The following WDR1 variants were observed in gnomAD, a reference collection of about 807,000 sequenced individuals.
WDR1 encodes WD repeat domain 1, also known as WD repeat-containing protein 1.
A neutral mutation model predicts 71.9 loss-of-function variants in WDR1; 21 were observed. The observed-to-expected ratio is 0.29, with a 90% CI of 0.21 to 0.42. The LOEUF (loss-of-function observed/expected upper bound fraction) is 0.42, where lower values mean the gene tolerates loss of function less well. WDR1 is among the 10% of genes least tolerant of loss of function. The probability of loss-of-function intolerance (pLI) is 1.00; values close to 1 mark genes in which losing one functional copy is unlikely to be tolerated. For missense variants in WDR1, 696 were observed against 824.5 expected, an observed-to-expected ratio of 0.84 and a Z score of 1.91; for synonymous variants, 424 against 347.4, an observed-to-expected ratio of 1.22 and a Z score of -2.45.
At chr4:10,104,022 G>A (rs1464078368) in intron 2 of WDR1, 36 bp from the exon 3 acceptor site, 1 of 1,562,662 alleles carries the variant, frequency 6.4e-7, no homozygotes, top group Non-Finnish European at 8.7e-7. Context: ...CAGAAGGAAT[G>A]GAGAAGCAGT....
intron 5 of WDR1, 95 bp downstream of exon 5, chr4:10,097,616 T>C: frequency 7.1e-7 from 1 of 1,410,466 alleles, no homozygotes; most frequent in Admixed American, 2.1e-5. Context: ...ACGTGGCATG[T>C]GCTGTGGTCT....
rs1446750564 is a variant in WDR1, at chr4:10,104,295, T to TA, written c.139-310dup. Among the ~76,000 whole-genome samples, 4 of 152,320 alleles carry TA rather than the reference T, an allele frequency of 2.6e-5. No homozygotes were observed. In the East Asian group the frequency reaches 7.7e-4, roughly 29 times the overall value. ...AGAACAAATATATCAGTGAAACAGATACACAAAAGGTGGATTAGAGCAAGA... is the reference window on the plus strand; with the variant it reads ...AGAACAAATATATCAGTGAAACAGATAACACAAAAGGTGGATTAGAGCAAGA... On this transcript the variant is annotated intron_variant, in intron 2 of 14. Transcript: ENST00000499869.
chr4:10,089,091 C>T (rs369663565), intron 5 of WDR1, among the ~76,000 whole-genome samples: 4 of 152,328 alleles, frequency 2.6e-5, no homozygotes, highest in African/African-American at 4.8e-5. Context: ...TTAAGCTTCA[C>T]GATGGCTGAG....
intron 2 of WDR1, among the ~76,000 whole-genome samples, chr4:10,107,070 G>A (rs565706565): frequency 7.9e-5 from 12 of 152,320 alleles, no homozygotes; most frequent in African/African-American, 2.9e-4. Context: ...AAACGAGACA[G>A]GGAGGGCAGG....
chr4:10,114,960 T>C (rs1161464996), intron 2 of WDR1, among the ~76,000 whole-genome samples: 1 of 152,170 alleles, frequency 6.6e-6, no homozygotes, highest in Non-Finnish European at 1.5e-5. Context: ...GCTTCTCCTT[T>C]CACAGAGAAG....
At chr4:10,083,479 A>C in intron 9 of WDR1, 1 of 531,910 alleles carries the variant, frequency 1.9e-6, no homozygotes, top group Non-Finnish European at 3.6e-6. Context: ...GTTATCGGGT[A>C]GGCGCAACCC....
intron 14 of WDR1, 140 bp from the exon 15 acceptor site, chr4:10,075,624 G>A (rs1199835946): frequency 2.7e-6 from 2 of 753,818 alleles, no homozygotes; most frequent in African/African-American, 3.5e-5. Flanking sequence ...TAACTCAGGA[G>A]CCTGGCACGG....
At chr4:10,094,556 C>T (rs1469345408) in intron 5 of WDR1, 3 of 152,230 alleles carry the variant, frequency 2.0e-5, no homozygotes, top group Non-Finnish European at 4.4e-5. Flanking sequence ...CGGTCAGACC[C>T]TCTGAGGGGA....
At position 10,077,460 on chromosome 4, in the gene WDR1, T is replaced by A. The variant is rs78938632; in HGVS notation, c.1570-12A>T. 9.1e-4 allele frequency: 1,468 copies of A among 1,613,900 alleles called. 16 individuals are homozygous for A. In the African/African-American group the frequency reaches 0.017, roughly 19 times the overall value. On this transcript the variant is annotated splice_polypyrimidine_tract_variant and intron_variant, in intron 13 of 14. Coordinates refer to ENST00000499869, the MANE Select transcript of WDR1 (RefSeq NM_017491.5). The stretch of plus-strand genomic sequence containing the variant: ...AAAACATTGTTCTCCTAGTTGCAGG[T>A]TGAAAACAAGAGAGGTGGCAGGTCA...
rs375154253 is a variant in WDR1 at position 10,112,219 on chromosome 4, T to C, written c.138+3894A>G. On this transcript the variant is annotated intron_variant, in intron 2 of 14. Coordinates refer to ENST00000499869, the MANE Select transcript of WDR1 (RefSeq NM_017491.5). ...CTTCCCAGTCTTTGCACAGAGGTCA[T>C]AAGAGGCAGAGGTGATGCAGGCAGG... Among the ~76,000 whole-genome samples the C allele has an allele frequency of 7.9e-5, 12 of 152,220 alleles. No homozygotes were observed. In the East Asian group the frequency reaches 1.4e-3, roughly 17 times the overall value.
Position 10,094,018 on chromosome 4 carries a change from T to C in WDR1, c.558+3693A>G, listed in dbSNP as rs79380329. 9.3e-4 allele frequency among the ~76,000 whole-genome samples: 141 copies of C among 152,270 alleles called. 2 individuals carry two copies. The highest frequency in any genetic ancestry group is 1.6e-3 in the Non-Finnish European group (108 of 68,012). On this transcript the variant is annotated intron_variant, in intron 5 of 14. Transcript: ENST00000499869. ...GCTCCAGCCTCAAGTGGGAGAACTATGTGAGGTATGAGGTCCCCGCAGGGC... is the reference window on the plus strand; with the variant it reads ...GCTCCAGCCTCAAGTGGGAGAACTACGTGAGGTATGAGGTCCCCGCAGGGC...
chr4:10,116,592 G>A, intron 1 of WDR1, 59 bp downstream of exon 1: 1 of 1,147,200 alleles, frequency 8.7e-7, no homozygotes, highest in Non-Finnish European at 1.1e-6. Flanking sequence ...CCTAGGGGCC[G>A]GGGACCGGGG....
chr4:10,086,903 TG>T (rs1376199307), intron 8 of WDR1, among the ~76,000 whole-genome samples: 1 of 152,152 alleles, frequency 6.6e-6, no homozygotes, highest in African/African-American at 2.4e-5. Flanking sequence ...AGGGCGCTGC[TG>T]TGAGAGGAGG....
chr4:10,102,479 C>A (rs34893238), intron 3 of WDR1, among the ~76,000 whole-genome samples: 1 of 152,106 alleles, frequency 6.6e-6, no homozygotes, highest in Non-Finnish European at 1.5e-5. Flanking sequence ...AGCCCAGCCC[C>A]TCTTCTTCTC....
intron 12 of WDR1, among the ~76,000 whole-genome samples, chr4:10,078,305 C>T (rs1448762451): frequency 6.6e-6 from 1 of 152,214 alleles, no homozygotes; most frequent in East Asian, 1.9e-4. Flanking sequence ...GGCTGCCCTC[C>T]TGGGCTGGAG....
At chr4:10,113,874 C>CG (rs1713544216) in intron 2 of WDR1, among the ~76,000 whole-genome samples, 1 of 152,176 alleles carries the variant, frequency 6.6e-6, no homozygotes, top group South Asian at 2.1e-4. Flanking sequence ...GGGAAGAGCA[C>CG]GTGGGAAACA....
chr4:10,102,366 C>A (rs1174344130), intron 3 of WDR1, among the ~76,000 whole-genome samples: 1 of 152,198 alleles, frequency 6.6e-6, no homozygotes, highest in African/African-American at 2.4e-5. Flanking sequence ...GAAACTTAAT[C>A]CCCAATGCAT....
At chr4:10,093,437 C>A (rs959331590) in intron 5 of WDR1, among the ~76,000 whole-genome samples, 32 of 152,242 alleles carry the variant, frequency 2.1e-4, no homozygotes, top group African/African-American at 6.3e-4. Flanking sequence ...TTCAGCCCAC[C>A]CATCCCCCGC....
intron 5 of WDR1, chr4:10,093,165 C>CT (rs549015193): frequency 5.9e-5 from 76 of 1,288,822 alleles, no homozygotes; most frequent in Non-Finnish European, 2.0e-5. Flanking sequence ...CACATGCTCA[C>CT]TACCTACCTA....
Sources: allele counts gnomAD v4.1 joint callset (sites outside exome capture counted in the v4.1 genomes callset), GRCh38; gene constraint gnomAD v4.1.1; transcripts MANE v1.5; gene names NCBI Gene and HGNC (gene_info 2026-07-23, HGNC 2026-07-21).